DRC5: variants seen among roughly 807,000 people sequenced by gnomAD.
DRC5 encodes the protein dynein regulatory complex subunit 5.
chr6:44,286,035 T>C, the DRC5 span: 1 of 1,613,800 alleles, frequency 6.2e-7, no homozygotes, highest in Non-Finnish European at 8.5e-7. Flanking sequence ...AGGAAGAGAT[T>C]CCACTCGAAA....
the DRC5 span, among the ~76,000 whole-genome samples, chr6:44,296,238 G>C: frequency 3.9e-5 from 6 of 152,118 alleles, no homozygotes; most frequent in African/African-American, 9.7e-5. Context: ...TTTTCCAGTG[G>C]GTCTCCCACT....
the DRC5 span, chr6:44,280,419 A>G: frequency 1.3e-6 from 2 of 1,551,906 alleles, no homozygotes; most frequent in Non-Finnish European, 1.8e-6. Context: ...GGAAGGGGTC[A>G]TTTACATCAC....
At chr6:44,295,510 T>C in the DRC5 span, among the ~76,000 whole-genome samples, 1 of 152,158 alleles carries the variant, frequency 6.6e-6, no homozygotes, top group East Asian at 1.9e-4. Flanking sequence ...TACCAGGACA[T>C]TAACTCAAAG....
the DRC5 span, among the ~76,000 whole-genome samples, chr6:44,285,319 A>C: frequency 6.6e-6 from 1 of 152,264 alleles, no homozygotes; most frequent in Non-Finnish European, 1.5e-5. Flanking sequence ...AGTTAAAAAT[A>C]AATTTCAGAT....
At chr6:44,280,319 T>C in the DRC5 span, 1 of 1,614,242 alleles carries the variant, frequency 6.2e-7, no homozygotes. Context: ...GGGCCACATC[T>C]GACAGGCGCA....
chr6:44,283,308 C>A, the DRC5 span, among the ~76,000 whole-genome samples: 23,898 of 152,064 alleles, frequency 0.16, 2,180 homozygotes, highest in East Asian at 0.41. Flanking sequence ...CCAAGATCCA[C>A]CAGGGCAAGG....
chr6:44,296,980 T>C, the DRC5 span, among the ~76,000 whole-genome samples: 1 of 152,296 alleles, frequency 6.6e-6, no homozygotes, highest in East Asian at 1.9e-4. Flanking sequence ...GCCAGTTCAC[T>C]TACCACAGCC....
the DRC5 span, among the ~76,000 whole-genome samples, chr6:44,290,551 G>A: frequency 3.9e-5 from 6 of 152,320 alleles, no homozygotes; most frequent in Admixed American, 3.9e-4. Context: ...TGAAGGGCAA[G>A]GAGGCAGGGT....
chr6:44,288,067 A>T, the DRC5 span: 1 of 437,504 alleles, frequency 2.3e-6, no homozygotes, highest in Non-Finnish European at 4.0e-6. Context: ...AAGTTACTGA[A>T]CCTCTCTGAA....
the DRC5 span, among the ~76,000 whole-genome samples, chr6:44,293,849 C>T: frequency 2.6e-5 from 4 of 152,190 alleles, no homozygotes; most frequent in South Asian, 2.1e-4. Context: ...CTAAATGAAA[C>T]AAAATTTAAT....
chr6:44,288,687 C>A, the DRC5 span, among the ~76,000 whole-genome samples: 3 of 152,140 alleles, frequency 2.0e-5, no homozygotes, highest in African/African-American at 7.2e-5. Context: ...TTAGTGCCCA[C>A]ATTTTAAAAA....
At chr6:44,290,786 C>T in the DRC5 span, among the ~76,000 whole-genome samples, 1 of 152,192 alleles carries the variant, frequency 6.6e-6, no homozygotes, top group Admixed American at 6.5e-5. Context: ...ACTCTTTAGT[C>T]ATTCCTCACA....
At chr6:44,293,691 G>C in the DRC5 span, among the ~76,000 whole-genome samples, 2 of 152,260 alleles carry the variant, frequency 1.3e-5, no homozygotes, top group Middle Eastern at 3.4e-3. Context: ...CCTCCACTAG[G>C]CAAGAAGAAA....
chr6:44,290,471 G>A, the DRC5 span, among the ~76,000 whole-genome samples: 87 of 152,296 alleles, frequency 5.7e-4, no homozygotes, highest in African/African-American at 2.0e-3. Flanking sequence ...CTTCTTGAGT[G>A]CTGACCTGAG....
At chr6:44,282,616 A>C in the DRC5 span, 1 of 1,491,674 alleles carries the variant, frequency 6.7e-7, no homozygotes, top group African/African-American at 1.4e-5. Context: ...CAGCCTGCCC[A>C]CCTAGATCTT....
chr6:44,295,681 A>G, the DRC5 span, among the ~76,000 whole-genome samples: 1 of 152,160 alleles, frequency 6.6e-6, no homozygotes, highest in African/African-American at 2.4e-5. Flanking sequence ...TGATTTATTG[A>G]GAGCTCTAGG....
the DRC5 span, among the ~76,000 whole-genome samples, chr6:44,296,293 G>A: frequency 1.3e-5 from 2 of 152,152 alleles, no homozygotes; most frequent in South Asian, 2.1e-4. Flanking sequence ...TGGAGCCCAG[G>A]GTTATACCCT....
chr6:44,286,603 G>C, the DRC5 span: 2 of 1,394,602 alleles, frequency 1.4e-6, no homozygotes, highest in Non-Finnish European at 2.0e-6. Flanking sequence ...GCCTCAGGCT[G>C]GGCCTGCCTG....
the DRC5 span, among the ~76,000 whole-genome samples, chr6:44,291,198 G>A: frequency 1.3e-5 from 2 of 152,146 alleles, no homozygotes; most frequent in African/African-American, 4.8e-5. Context: ...GTCATTTTAA[G>A]GCAAATGTTG....
Sources: gnomAD v4.1 joint callset for allele counts (sites outside exome capture counted in the v4.1 genomes callset) on GRCh38, gnomAD v4.1.1 for gene constraint, MANE v1.5 for transcripts, NCBI Gene and HGNC (gene_info 2026-07-23, HGNC 2026-07-21) for gene names.